The following ZFAND3 variants were observed in gnomAD, a reference collection of about 807,000 sequenced individuals.
ZFAND3 encodes AN1-type zinc finger protein 3.
A neutral mutation model predicts 29.6 loss-of-function variants in ZFAND3; 10 were observed. The ratio of observed to expected loss-of-function variants is 0.34; its 90% CI spans 0.21 to 0.57. The LOEUF (loss-of-function observed/expected upper bound fraction) is 0.57. Among genes scored for constraint, ZFAND3 ranks in the 20% least tolerant of loss-of-function variants. The pLI is 0.86. For missense variants in ZFAND3, 230 were observed against 304.5 expected (o/e 0.76, Z 1.82); for synonymous variants, 128 against 112.6 (o/e 1.14, Z -0.87).
chr6:38,129,955 G>T (rs575073711), intron 5 of ZFAND3, among the ~76,000 whole-genome samples: 2 of 152,210 alleles, frequency 1.3e-5, no homozygotes, highest in South Asian at 4.1e-4. Flanking sequence ...CCATGAGCAT[G>T]GGATGTGTTT....
intron 2 of ZFAND3, among the ~76,000 whole-genome samples, chr6:37,970,490 T>TA (rs1561951238): frequency 1.3e-5 from 2 of 152,128 alleles, no homozygotes; most frequent in Non-Finnish European, 2.9e-5. Context: ...TGGCAAGAAT[T>TA]ACCTGGTGTC....
At chr6:38,111,844 T>C (rs1329330170) in intron 4 of ZFAND3, among the ~76,000 whole-genome samples, 1 of 152,164 alleles carries the variant, frequency 6.6e-6, no homozygotes, top group Non-Finnish European at 1.5e-5. Context: ...CCAAACCCCA[T>C]GTTGTTCAAG....
At chr6:38,123,202 C>A (rs1184069357) in intron 5 of ZFAND3, among the ~76,000 whole-genome samples, 1 of 152,314 alleles carries the variant, frequency 6.6e-6, no homozygotes, top group Admixed American at 6.5e-5. Flanking sequence ...GCATGTGTCA[C>A]AACTGTTGCT....
chr6:37,980,120 T>C (rs1476889981), intron 2 of ZFAND3, among the ~76,000 whole-genome samples: 2 of 151,848 alleles, frequency 1.3e-5, no homozygotes, highest in Non-Finnish European at 2.9e-5. Flanking sequence ...AAGACAATTG[T>C]AGGGCTGGTC....
chr6:37,843,376 A>T (rs1764115022), intron 1 of ZFAND3, among the ~76,000 whole-genome samples: 2 of 151,096 alleles, frequency 1.3e-5, no homozygotes, highest in South Asian at 4.2e-4. Flanking sequence ...AGTCCCAGCT[A>T]CTTGGGAGGC....
intron 1 of ZFAND3, among the ~76,000 whole-genome samples, chr6:37,888,723 T>C (rs1765043243): frequency 6.6e-6 from 1 of 152,240 alleles, no homozygotes; most frequent in Non-Finnish European, 1.5e-5. Context: ...AAGACTTGTA[T>C]AGATCTCTTT....
At chr6:37,899,364 C>T (rs899653362) in intron 1 of ZFAND3, among the ~76,000 whole-genome samples, 1 of 152,008 alleles carries the variant, frequency 6.6e-6, no homozygotes, top group Non-Finnish European at 1.5e-5. Context: ...TTTCCTGCAT[C>T]GGGGAAAAGC....
intron 3 of ZFAND3, among the ~76,000 whole-genome samples, chr6:38,069,025 G>A (rs905793809): frequency 1.3e-5 from 2 of 152,148 alleles, no homozygotes; most frequent in African/African-American, 4.8e-5. Context: ...TCCATTGGGC[G>A]TCATTGGCTA....
chr6:37,906,263 A>G (rs1671092285), intron 1 of ZFAND3, among the ~76,000 whole-genome samples: 1 of 152,102 alleles, frequency 6.6e-6, no homozygotes, highest in South Asian at 2.1e-4. Flanking sequence ...GGATTTGTTT[A>G]TTCAGTCTCT....
intron 1 of ZFAND3, among the ~76,000 whole-genome samples, chr6:37,918,951 C>CTTTTGTTTTTTTTTTTTT (rs1761319043): frequency 9.5e-6 from 1 of 104,738 alleles, no homozygotes; most frequent in African/African-American, 4.1e-5. Context: ...TGAAAAATGC[C>CTTTTGTTTTTTTTTTTTT]TTTTTTTTTT....
intron 2 of ZFAND3, among the ~76,000 whole-genome samples, chr6:38,048,753 G>T (rs1763961361): frequency 6.6e-6 from 1 of 151,928 alleles, no homozygotes; most frequent in African/African-American, 2.4e-5. Context: ...ACTTTCTTAT[G>T]GTCATGCAGT....
intron 2 of ZFAND3, among the ~76,000 whole-genome samples, chr6:37,972,127 C>G (rs1363678664): frequency 1.3e-5 from 2 of 152,152 alleles, no homozygotes; most frequent in Non-Finnish European, 2.9e-5. Context: ...AGCCTCTCTC[C>G]TATTTATTTT....
chr6:38,140,107 T>C (rs1322439014), intron 5 of ZFAND3, among the ~76,000 whole-genome samples: 8 of 152,166 alleles, frequency 5.3e-5, no homozygotes. Flanking sequence ...GAAGCAGATT[T>C]GTGAGGAAGT....
At chr6:37,966,271 T>C (rs531538006) in intron 2 of ZFAND3, among the ~76,000 whole-genome samples, 6 of 152,334 alleles carry the variant, frequency 3.9e-5, no homozygotes, top group Non-Finnish European at 8.8e-5. Flanking sequence ...AATGCTAGAA[T>C]GTGACCAGGG....
At chr6:37,912,030 CTGTGTGTG>C (rs59017250) in intron 1 of ZFAND3, among the ~76,000 whole-genome samples, 2,132 of 139,766 alleles carry the variant, frequency 0.015, 21 homozygotes, top group Middle Eastern at 0.028. Flanking sequence ...AGTCTTTTAT[CTGTGTGTG>C]TGTGTGTGTG....
intron 2 of ZFAND3, among the ~76,000 whole-genome samples, chr6:38,004,115 C>G (rs1243650796): frequency 1.3e-5 from 2 of 151,946 alleles, no homozygotes; most frequent in Non-Finnish European, 2.9e-5. Flanking sequence ...TTTAGGAGTC[C>G]TGTATTTTAA....
At chr6:37,954,753 T>C (rs1313051297) in intron 2 of ZFAND3, among the ~76,000 whole-genome samples, 1 of 152,212 alleles carries the variant, frequency 6.6e-6, no homozygotes, top group African/African-American at 2.4e-5. Flanking sequence ...GTTAAGTTAC[T>C]TGGAAACAGT....
At chr6:38,113,177 G>GTT (rs1358506879) in intron 4 of ZFAND3, among the ~76,000 whole-genome samples, 1 of 152,180 alleles carries the variant, frequency 6.6e-6, no homozygotes. Context: ...AACACATTCT[G>GTT]TTAGACATTT....
chr6:37,966,231 A>C (rs1376952611), intron 2 of ZFAND3, among the ~76,000 whole-genome samples: 1 of 152,196 alleles, frequency 6.6e-6, no homozygotes, highest in African/African-American at 2.4e-5. Context: ...TAGAAATAGT[A>C]ACTGTGATTG....
Sources: gnomAD v4.1 joint callset for allele counts (sites outside exome capture counted in the v4.1 genomes callset) on GRCh38, gnomAD v4.1.1 for gene constraint, MANE v1.5 for transcripts, NCBI Gene and HGNC (gene_info 2026-07-23, HGNC 2026-07-21) for gene names.